Variants in PID1 observed in about 807,000 individuals in gnomAD.
PID1 encodes the protein phosphotyrosine interaction domain containing 1, also known as PTB-containing, cubilin and LRP1-interacting protein.
In PID1, 10 loss-of-function variants were observed where a neutral mutation model predicts 19.1. The ratio of observed to expected loss-of-function variants is 0.52; its 90% confidence interval spans 0.32 to 0.89. The LOEUF is 0.89. Ranked by LOEUF, PID1 falls within the 40% of genes least tolerant of loss-of-function variation. The probability of loss-of-function intolerance (pLI) is 0.03; values close to 1 mark genes in which losing one functional copy is unlikely to be tolerated. For missense variants in PID1, 248 were observed against 285.3 expected (o/e 0.87, Z 0.94); for synonymous variants, 130 against 116.0 (o/e 1.12, Z -0.78).
At chr2:229,056,530 TGTA>T (rs1212452483) in intron 2 of PID1, among the ~76,000 whole-genome samples, 1 of 150,348 alleles carries the variant, frequency 6.7e-6, no homozygotes, top group Admixed American at 6.7e-5. Flanking sequence ...CTCAGCATAA[TGTA>T]GTATAAATAA....
intron 1 of PID1, among the ~76,000 whole-genome samples, chr2:229,265,113 TA>T (rs1465445657): frequency 9.2e-5 from 14 of 152,234 alleles, no homozygotes; most frequent in African/African-American, 3.4e-4. Flanking sequence ...AAATTATTTA[TA>T]AAGAGACAGA....
chr2:229,079,336 C>T (rs373034713), intron 2 of PID1, among the ~76,000 whole-genome samples: 2 of 152,312 alleles, frequency 1.3e-5, no homozygotes, highest in African/African-American at 2.4e-5. Context: ...CCTAATTCAA[C>T]AGGACTTCAA....
chr2:229,184,950 TATATAA>T (rs1404317358), intron 1 of PID1, among the ~76,000 whole-genome samples: 2 of 108,132 alleles, frequency 1.8e-5, no homozygotes, highest in Non-Finnish European at 3.9e-5. Flanking sequence ...ATATCCTATA[TATATAA>T]AATCCCATAT....
At chr2:229,193,184 G>A (rs1275485655) in intron 1 of PID1, among the ~76,000 whole-genome samples, 1 of 152,162 alleles carries the variant, frequency 6.6e-6, no homozygotes, top group East Asian at 1.9e-4. Context: ...ATATTCAGCT[G>A]GTGGACAGGC....
At chr2:229,152,205 G>C (rs1353449677) in intron 2 of PID1, among the ~76,000 whole-genome samples, 1 of 152,126 alleles carries the variant, frequency 6.6e-6, no homozygotes, top group African/African-American at 2.4e-5. Flanking sequence ...TTGCCTTCAT[G>C]TCAATTACAT....
intron 2 of PID1, among the ~76,000 whole-genome samples, chr2:229,131,480 C>G (rs149702509): frequency 0.011 from 1,631 of 152,288 alleles, 33 homozygotes; most frequent in African/African-American, 0.037. Flanking sequence ...ATCCACCCAT[C>G]TCAGCCTCCC....
chr2:229,069,141 T>TG (rs1553559147), intron 2 of PID1, among the ~76,000 whole-genome samples: 1 of 128,714 alleles, frequency 7.8e-6, no homozygotes, highest in Admixed American at 8.0e-5. Context: ...CGAGAAGGGT[T>TG]TTTGTGTGTG....
intron 2 of PID1, among the ~76,000 whole-genome samples, chr2:229,122,254 A>G (rs1300670374): frequency 6.6e-6 from 1 of 152,190 alleles, no homozygotes. Flanking sequence ...ACCATTAACA[A>G]TAGATTCAAC....
In PID1 at chr2:229,069,044, A is replaced by T. The variant is rs974779608; in HGVS notation, c.178-42936T>A. ...GAAGAATATCTTTCTTTTCCTAACC[A>T]TCTCTACCTCCAGTTTGGAAAAGAG... On this transcript the variant is annotated intron_variant, in intron 2 of 2. Coordinates refer to ENST00000392055, the MANE Select transcript of PID1 (RefSeq NM_001100818.2). Among the ~76,000 whole-genome samples the T allele has an allele frequency of 3.1e-4, 47 of 151,712 alleles. 1 individual carries two copies. The highest frequency in any genetic ancestry group is 5.9e-5 in the Non-Finnish European group (4 of 67,956).
At chr2:229,107,615 A>G (rs940976816) in intron 2 of PID1, among the ~76,000 whole-genome samples, 2 of 152,176 alleles carry the variant, frequency 1.3e-5, no homozygotes, top group Non-Finnish European at 2.9e-5. Flanking sequence ...GCCTAGACAG[A>G]CAACAATATG....
chr2:229,194,392 T>TA (rs1349346011), intron 1 of PID1, among the ~76,000 whole-genome samples: 10 of 151,918 alleles, frequency 6.6e-5, no homozygotes, highest in African/African-American at 2.4e-4. Context: ...TCTAAAGACT[T>TA]ACTGTGGAGG....
intron 2 of PID1, among the ~76,000 whole-genome samples, chr2:229,053,318 A>T (rs1186058204): frequency 2.6e-5 from 4 of 152,218 alleles, no homozygotes; most frequent in Non-Finnish European, 5.9e-5. Context: ...CTATAAACTC[A>T]GAAACTATAA....
At chr2:229,116,102 C>T (rs1159569306) in intron 2 of PID1, among the ~76,000 whole-genome samples, 2 of 152,026 alleles carry the variant, frequency 1.3e-5, no homozygotes, top group Non-Finnish European at 2.9e-5. Flanking sequence ...TGGTGGGTGC[C>T]TGTAGTCCCA....
intron 1 of PID1, among the ~76,000 whole-genome samples, chr2:229,219,496 G>A (rs1691918692): frequency 6.6e-6 from 1 of 152,182 alleles, no homozygotes; most frequent in Non-Finnish European, 1.5e-5. Flanking sequence ...CCCACAAAAT[G>A]TGGGGATTAT....
intron 2 of PID1, among the ~76,000 whole-genome samples, chr2:229,098,628 TTTAATATG>T (rs1363828768): frequency 6.6e-6 from 1 of 152,158 alleles, no homozygotes; most frequent in Non-Finnish European, 1.5e-5. Flanking sequence ...CCAAGAAATA[TTTAATATG>T]TGAGAGTGCT....
At chr2:229,067,570 G>C (rs16825645) in intron 2 of PID1, among the ~76,000 whole-genome samples, 2,051 of 152,142 alleles carry the variant, frequency 0.013, 46 homozygotes, top group African/African-American at 0.046. Flanking sequence ...CCTGGAGGAT[G>C]GCCATGCTGT....
chr2:229,264,358 C>A lies in PID1; in HGVS notation c.30+6656G>T, dbSNP rs371876809. 1.8e-4 allele frequency among the ~76,000 whole-genome samples: 27 copies of A among 152,262 alleles called. No individual in the cohort carries two copies. In the East Asian group the frequency reaches 4.8e-3, roughly 27 times the overall value. ...ACACTTCATCCTGACCTGGAGACCA[C>A]CGCCTGGCAGAAACTAAAGGAGATA... On this transcript the variant is annotated intron_variant, in intron 1 of 2. Transcript: ENST00000392055.
intron 1 of PID1, among the ~76,000 whole-genome samples, chr2:229,192,814 T>C (rs1251010977): frequency 6.6e-6 from 1 of 152,190 alleles, no homozygotes; most frequent in Non-Finnish European, 1.5e-5. Context: ...ATTCTTATTA[T>C]TATTACTAGG....
At chr2:229,033,561 A>C (rs982735813) in intron 2 of PID1, among the ~76,000 whole-genome samples, 1 of 152,154 alleles carries the variant, frequency 6.6e-6, no homozygotes, top group African/African-American at 2.4e-5. Context: ...GGAGAGCATT[A>C]GGAGAAATAT....
Sources: allele counts gnomAD v4.1 joint callset (sites outside exome capture counted in the v4.1 genomes callset), GRCh38; gene constraint gnomAD v4.1.1; transcripts MANE v1.5; gene names NCBI Gene and HGNC (gene_info 2026-07-23, HGNC 2026-07-21).